The following PARP15 variants were observed in gnomAD, a reference collection of about 807,000 sequenced individuals.
The protein encoded by PARP15 is protein mono-ADP-ribosyltransferase PARP15.
Under a neutral mutation model 62.1 loss-of-function variants are expected in PARP15, and 50 were observed. That is an observed-to-expected ratio of 0.81 (90% CI 0.64 to 1.02). The LOEUF is 1.02. Ranked by LOEUF, PARP15 falls within the 50% of genes least tolerant of loss-of-function variation. The probability of loss-of-function intolerance (pLI) is 0.00; values close to 1 mark genes in which losing one functional copy is unlikely to be tolerated. For missense variants in PARP15, 820 were observed against 826.5 expected (o/e 0.99, Z 0.10); for synonymous variants, 309 against 293.1 (o/e 1.05, Z -0.55).
chr3:122,627,062 C>T (rs767787321), intron 9 of PARP15, 29 bp downstream of exon 9: 7 of 1,526,788 alleles, frequency 4.6e-6, no homozygotes, highest in Non-Finnish European at 6.3e-6. Flanking sequence ...AAAAATCACC[C>T]TGCTGGCTCT....
intron 3 of PARP15, among the ~76,000 whole-genome samples, chr3:122,612,419 T>TTTTTTG (rs1935635656): frequency 2.6e-5 from 4 of 151,898 alleles, no homozygotes; most frequent in African/African-American, 7.3e-5. Context: ...TAAATACAGT[T>TTTTTTG]TTTTTGTTTT....
intron 1 of PARP15, among the ~76,000 whole-genome samples, chr3:122,587,961 A>G (rs1483729976): frequency 6.6e-6 from 1 of 152,182 alleles, no homozygotes; most frequent in Non-Finnish European, 1.5e-5. Context: ...GTTTTTTAAA[A>G]AAATTGTTGA....
chr3:122,624,679 T>C (rs1046720719), intron 8 of PARP15, among the ~76,000 whole-genome samples: 1 of 152,162 alleles, frequency 6.6e-6, no homozygotes, highest in Non-Finnish European at 1.5e-5. Flanking sequence ...CTTTGACGTC[T>C]CATACTTCCC....
chr3:122,578,784 A>G (rs539147736), intron 1 of PARP15, among the ~76,000 whole-genome samples: 1 of 152,294 alleles, frequency 6.6e-6, no homozygotes, highest in African/African-American at 2.4e-5. Context: ...ATTGCATTAA[A>G]TTAATAAATT....
chr3:122,577,894 G>A, intron 1 of PARP15, 41 bp downstream of exon 1: 2 of 1,489,478 alleles, frequency 1.3e-6, no homozygotes, highest in Non-Finnish European at 9.0e-7. Flanking sequence ...GGGACAGCAG[G>A]GCTGAGCCTG....
chr3:122,593,229 C>T (rs985111676), intron 1 of PARP15, among the ~76,000 whole-genome samples: 1 of 152,086 alleles, frequency 6.6e-6, no homozygotes, highest in Non-Finnish European at 1.5e-5. Context: ...ACCTTCACCC[C>T]CCGGGTTCAA....
At chr3:122,632,633 TTGGA>T (rs1221239618) in intron 10 of PARP15, among the ~76,000 whole-genome samples, 1 of 152,208 alleles carries the variant, frequency 6.6e-6, no homozygotes, top group Non-Finnish European at 1.5e-5. Context: ...CTTGTGGTTG[TTGGA>T]TGGCTGCTGG....
intron 1 of PARP15, among the ~76,000 whole-genome samples, chr3:122,581,078 A>G (rs2080793655): frequency 6.6e-6 from 1 of 152,210 alleles, no homozygotes; most frequent in Non-Finnish European, 1.5e-5. Flanking sequence ...AGGCTATACC[A>G]TCTAGGTTTG....
At chr3:122,598,310 T>C (rs1405935189) in intron 1 of PARP15, among the ~76,000 whole-genome samples, 1 of 152,254 alleles carries the variant, frequency 6.6e-6, no homozygotes, top group South Asian at 2.1e-4. Flanking sequence ...TCTCACACTT[T>C]CTGTGATCAG....
In PARP15 at chr3:122,619,915, A is replaced by C. The variant is rs903784028; in HGVS notation, c.1063+72A>C. 36 of 1,382,738 alleles carry C rather than the reference A, an allele frequency of 2.6e-5. No individual in the cohort carries two copies. In the African/African-American group the frequency reaches 3.9e-4, roughly 15 times the overall value. The allele number at this position is 1,382,738 out of a possible 1,614,324, so 85.7% of individuals were successfully genotyped here. A position where few individuals can be genotyped will look rare whatever the true frequency, so the allele number is the denominator to read the frequency against. On this transcript the variant is annotated intron_variant, in intron 7 of 11. Transcript: ENST00000464300. Reference sequence around the variant, plus strand: ...CTGAGATTACAGTGAGAGGATGTACAGGAGGACTGGAGGTGGAGTAAGTAG... The same window carrying C: ...CTGAGATTACAGTGAGAGGATGTACCGGAGGACTGGAGGTGGAGTAAGTAG...
intron 1 of PARP15, among the ~76,000 whole-genome samples, chr3:122,580,046 C>T (rs893174427): frequency 1.5e-5 from 2 of 135,604 alleles, no homozygotes; most frequent in African/African-American, 5.4e-5. Flanking sequence ...TGCACGCGCG[C>T]ACACACACAC....
At chr3:122,603,549 T>C (rs1422638038) in intron 1 of PARP15, among the ~76,000 whole-genome samples, 1 of 152,172 alleles carries the variant, frequency 6.6e-6, no homozygotes, top group Non-Finnish European at 1.5e-5. Flanking sequence ...AATAATTGGT[T>C]GTCTGGAGGA....
Position 122,577,744 on chromosome 3 carries a change from T to C in PARP15, c.77T>C (p.Val26Ala). The C allele has an allele frequency of 6.4e-7, 1 of 1,550,744 alleles. No homozygotes were observed. Among genetic ancestry groups the C allele is most frequent in the East Asian group, 2.4e-5 (1 of 40,870 alleles). ...ACCCCCAGAGAACTTATGCACGGAGTTGCAGGTGTTACTTCCAGAGCCGGA... is the reference window on the plus strand; with the variant it reads ...ACCCCCAGAGAACTTATGCACGGAGCTGCAGGTGTTACTTCCAGAGCCGGA... ...APTPRELMHGVAGVTSRAGRD... is the reference protein window; with the variant it reads ...APTPRELMHGAAGVTSRAGRD... The change falls in exon 1 of 12, where the codon GTT becomes GCT. Residue 26 changes from valine to alanine, a missense_variant. Val to Ala is a moderately conservative substitution (Grantham distance 64, BLOSUM62 0). Coordinates refer to ENST00000464300, the MANE Select transcript of PARP15 (RefSeq NM_001113523.3).
chr3:122,599,575 CATTT>C (rs1934639183), intron 1 of PARP15, among the ~76,000 whole-genome samples: 1 of 136,806 alleles, frequency 7.3e-6, no homozygotes, highest in Non-Finnish European at 1.6e-5. Context: ...TCCTTTTCTT[CATTT>C]ATTTATTTAC....
intron 9 of PARP15, among the ~76,000 whole-genome samples, chr3:122,628,799 T>A (rs975329809): frequency 3.3e-5 from 5 of 152,198 alleles, no homozygotes; most frequent in Non-Finnish European, 5.9e-5. Context: ...GTCATCTTTG[T>A]TGTTAGAGAA....
At chr3:122,592,103 G>C (rs1933973326) in intron 1 of PARP15, among the ~76,000 whole-genome samples, 1 of 152,102 alleles carries the variant, frequency 6.6e-6, no homozygotes, top group Admixed American at 6.6e-5. Context: ...TGTATCCAAA[G>C]GAATATAAAT....
intron 1 of PARP15, among the ~76,000 whole-genome samples, chr3:122,600,676 A>G (rs912450830): frequency 6.6e-6 from 1 of 152,178 alleles, no homozygotes; most frequent in Non-Finnish European, 1.5e-5. Context: ...ACTTTGAAGT[A>G]AGCACATACC....
chr3:122,619,388 G>T (rs993010904), intron 6 of PARP15, among the ~76,000 whole-genome samples: 3 of 152,196 alleles, frequency 2.0e-5, no homozygotes, highest in Non-Finnish European at 2.9e-5. Context: ...GGGAATCAAA[G>T]AACTTAGTAA....
intron 8 of PARP15, among the ~76,000 whole-genome samples, chr3:122,622,717 C>T (rs1232345697): frequency 6.6e-6 from 1 of 152,170 alleles, no homozygotes; most frequent in African/African-American, 2.4e-5. Context: ...GGAACGCTTT[C>T]CTCATCTCTG....
Sources: allele counts gnomAD v4.1 joint callset (sites outside exome capture counted in the v4.1 genomes callset), GRCh38; gene constraint gnomAD v4.1.1; transcripts MANE v1.5; gene names NCBI Gene and HGNC (gene_info 2026-07-23, HGNC 2026-07-21).